Variants in KDM2A observed in about 807,000 individuals in gnomAD.
The protein encoded by KDM2A is lysine demethylase 2A.
Under a neutral mutation model 137.3 loss-of-function variants are expected in KDM2A, and 3 were observed. That is an observed-to-expected ratio of 0.02 (90% CI 0.01 to 0.06). The LOEUF (loss-of-function observed/expected upper bound fraction) is 0.06. Among genes scored for constraint, KDM2A ranks in the 10% least tolerant of loss-of-function variants. The probability of loss-of-function intolerance (pLI) is 1.00; values close to 1 mark genes in which losing one functional copy is unlikely to be tolerated. For missense variants in KDM2A, 738 were observed against 1,510.6 expected, an observed-to-expected ratio of 0.49 and a Z score of 8.48; for synonymous variants, 512 against 541.5, an observed-to-expected ratio of 0.95 and a Z score of 0.76.
chr11:67,185,988 G>C (rs900406290), intron 5 of KDM2A, among the ~76,000 whole-genome samples: 1 of 151,948 alleles, frequency 6.6e-6, no homozygotes, highest in African/African-American at 2.4e-5. Flanking sequence ...TGGACTAAGA[G>C]CCTAAAGGAA....
chr11:67,143,671 C>T (rs1856175705), intron 2 of KDM2A, among the ~76,000 whole-genome samples: 1 of 151,938 alleles, frequency 6.6e-6, no homozygotes, highest in Non-Finnish European at 1.5e-5. Flanking sequence ...CTCACTCCAT[C>T]TCCCAGGCTG....
At chr11:67,192,419 CTTTGTTTCCATTTCTTTTTTT>C (rs1857377538) in intron 5 of KDM2A, among the ~76,000 whole-genome samples, 1 of 111,598 alleles carries the variant, frequency 9.0e-6, no homozygotes, top group Non-Finnish European at 1.9e-5. Flanking sequence ...TGGACATTTA[CTTTGTTTCCATTTCTTTTTTT>C]TTTTTTTTTT....
intron 5 of KDM2A, among the ~76,000 whole-genome samples, chr11:67,190,099 G>A (rs868802525): frequency 2.0e-5 from 3 of 152,114 alleles, no homozygotes; most frequent in South Asian, 2.1e-4. Flanking sequence ...AAGAAAGATC[G>A]AATTACTAAA....
At chr11:67,207,462 AG>A in intron 5 of KDM2A, 47 bp from the exon 6 acceptor site, 1 of 1,378,266 alleles carries the variant, frequency 7.3e-7, no homozygotes, top group South Asian at 1.7e-5. Flanking sequence ...ACTATATTTA[AG>A]GATATTAGTG....
intron 2 of KDM2A, among the ~76,000 whole-genome samples, chr11:67,134,803 C>G (rs1855935965): frequency 6.6e-6 from 1 of 152,152 alleles, no homozygotes; most frequent in Non-Finnish European, 1.5e-5. Context: ...CCTCACCTGG[C>G]CTTGAATTTT....
chr11:67,166,971 A>T (rs1418260594), intron 2 of KDM2A, among the ~76,000 whole-genome samples: 2 of 151,296 alleles, frequency 1.3e-5, no homozygotes, highest in African/African-American at 2.4e-5. Context: ...CCAGCTATTC[A>T]GGAGGCTGAG....
At position 67,217,829 on chromosome 11, in the gene KDM2A, A is replaced by T. The variant is rs370448526; in HGVS notation, c.786A>T (p.Val262=). The change falls in exon 9 of 21, where the codon GTA becomes GTT. Residue 262 remains valine (V), a synonymous_variant. Coordinates refer to ENST00000529006, the MANE Select transcript of KDM2A (RefSeq NM_012308.3). ...GAGACATCTTTCTGGGTGACCGGGT[A>T]TCAGATTGTCAGCGCATTGAGCTCA... ...KQGDIFLGDR[V]SDCQRIELKQ... 6.2e-7 allele frequency: 1 copy of T among 1,613,398 alleles called. No individual in the cohort carries two copies. Among genetic ancestry groups the T allele is most frequent in the South Asian group, 1.1e-5 (1 of 90,878 alleles).
intron 2 of KDM2A, among the ~76,000 whole-genome samples, chr11:67,132,753 T>G (rs1855882106): frequency 1.3e-5 from 2 of 151,320 alleles, no homozygotes; most frequent in Non-Finnish European, 2.9e-5. Context: ...GGTCTCTCAT[T>G]AGCAGCATGA....
chr11:67,127,209 A>G (rs1449854639), intron 2 of KDM2A, among the ~76,000 whole-genome samples: 4 of 152,152 alleles, frequency 2.6e-5, no homozygotes, highest in African/African-American at 9.7e-5. Flanking sequence ...TGGTCCTCCC[A>G]TCTCAGCATG....
chr11:67,227,954 G>C (rs1425901518), intron 10 of KDM2A, 83 bp from the exon 11 acceptor site: 1 of 1,402,716 alleles, frequency 7.1e-7, no homozygotes, highest in East Asian at 2.3e-5. Flanking sequence ...AGTATTTCCT[G>C]GGTTAATGAT....
chr11:67,245,058 A>G lies in KDM2A; in HGVS notation c.1564-131A>G, dbSNP rs922871032. 9.7e-6 allele frequency: 9 copies of G among 927,748 alleles called. No individual in the cohort carries two copies. The East Asian group carries it at 1.9e-4, about 20-fold the overall frequency. 57.5% of individuals were successfully genotyped at this position (927,748 alleles called of 1,614,324 possible). A position where few individuals can be genotyped will look rare whatever the true frequency, so the allele number is the denominator to read the frequency against. The stretch of plus-strand genomic sequence containing the variant: ...GTTGTGTGTCAATAAAATTTATTCT[A>G]GAAACAAGCAGTGGGCAGATCTGGC... On this transcript the variant is annotated intron_variant, in intron 13 of 20. Coordinates refer to ENST00000529006, the MANE Select transcript of KDM2A (RefSeq NM_012308.3). This position sits in a 1 kb window ranked among gnomAD's most constrained non-coding sequence, Gnocchi z 4.1.
intron 7 of KDM2A, 32 bp from the exon 8 acceptor site, chr11:67,215,824 G>A: frequency 6.4e-7 from 1 of 1,565,568 alleles, no homozygotes; most frequent in Non-Finnish European, 8.8e-7. Flanking sequence ...TTTTCCATCA[G>A]TACACTAATG....
At chr11:67,252,507 T>C (rs765312117) in intron 17 of KDM2A, 187 bp from the exon 18 acceptor site, 3 of 631,808 alleles carry the variant, frequency 4.7e-6, no homozygotes, top group Non-Finnish European at 8.5e-6. Context: ...AGCGTCTAGT[T>C]GTTGTAGAGT....
At chr11:67,233,030 G>A (rs192598717) in intron 12 of KDM2A, among the ~76,000 whole-genome samples, 108 of 152,170 alleles carry the variant, frequency 7.1e-4, no homozygotes, top group African/African-American at 2.4e-3. Context: ...TAAACTGGAG[G>A]AAATTATTTT....
rs369512016 is a variant in KDM2A, at chr11:67,231,755, C to T, written c.1274C>T (p.Ser425Leu). ...CTGAAGAAAACTTTGGCTGGGGACT[C>T]ATCTTCTGACTGTAGCCGGGGCTCC... is the stretch of plus-strand genomic sequence containing the variant. Reference protein sequence around the residue: ...PSLKKTLAGDSSSDCSRGSHN... With the variant: ...PSLKKTLAGDLSSDCSRGSHN... The change falls in exon 12 of 21, where the codon TCA (serine) becomes TTA (leucine). Residue 425 changes from serine (S) to leucine (L), a missense_variant. By Grantham distance (145) the Ser-to-Leu change is moderately radical. This residue lies in a region of KDM2A where 113 missense variants were observed against 133.5 expected (regional missense o/e 0.85). Transcript: ENST00000529006. The T allele has an allele frequency of 2.7e-5, 44 of 1,613,906 alleles. No individual in the cohort carries two copies. The highest frequency in any genetic ancestry group is 1.6e-4 in the Middle Eastern group (1 of 6,084).
intron 2 of KDM2A, among the ~76,000 whole-genome samples, chr11:67,140,124 G>A (rs149054896): frequency 8.2e-4 from 125 of 152,180 alleles, no homozygotes; most frequent in African/African-American, 2.3e-3. Flanking sequence ...ACTTTGGGAG[G>A]CTAAGGCAGG....
chr11:67,169,715 T>TC (rs1856832663), intron 2 of KDM2A, among the ~76,000 whole-genome samples: 1 of 136,936 alleles, frequency 7.3e-6, no homozygotes, highest in African/African-American at 2.5e-5. Flanking sequence ...TTCTTTTTTC[T>TC]TCTCTCTCTC....
chr11:67,224,461 CTTTTTTTTTTT>C (rs35180780), intron 10 of KDM2A, among the ~76,000 whole-genome samples: 2 of 95,166 alleles, frequency 2.1e-5, no homozygotes, highest in East Asian at 6.4e-4. Context: ...TAACCCCTTT[CTTTTTTTTTTT>C]TTTTTTTTTT....
chr11:67,172,188 T>C (rs890769657), intron 2 of KDM2A, among the ~76,000 whole-genome samples: 1 of 152,070 alleles, frequency 6.6e-6, no homozygotes, highest in African/African-American at 2.4e-5. Context: ...CAGTGGCTGG[T>C]CTTGAACTCC....
Sources: allele counts gnomAD v4.1 joint callset (sites outside exome capture counted in the v4.1 genomes callset), GRCh38; gene constraint gnomAD v4.1.1; regional missense constraint gnomAD v4.1.1; non-coding constraint Gnocchi (gnomAD v3.1); transcripts MANE v1.5; gene names NCBI Gene and HGNC (gene_info 2026-07-23, HGNC 2026-07-21).